The following RBM25 variants were observed in gnomAD, a reference collection of about 807,000 sequenced individuals.
The protein encoded by RBM25 is RNA binding motif protein 25.
A neutral mutation model predicts 120.7 loss-of-function variants in RBM25; 19 were observed. The ratio of observed to expected loss-of-function variants is 0.16; its 90% CI spans 0.11 to 0.23. The LOEUF (loss-of-function observed/expected upper bound fraction) is 0.23, where lower values mean the gene tolerates loss of function less well. Among genes scored for constraint, RBM25 ranks in the 10% least tolerant of loss-of-function variants. RBM25 has a pLI of 1.00. For synonymous variants in RBM25, 390 were observed against 326.7 expected (o/e 1.19, Z -2.09); for missense variants, 605 against 1,041.5 (o/e 0.58, Z 5.77).
intron 6 of RBM25, among the ~76,000 whole-genome samples, chr14:73,089,894 T>C (rs144332996): frequency 0.024 from 3,580 of 152,030 alleles, 139 homozygotes; most frequent in African/African-American, 0.077. Flanking sequence ...AGGTGATCTG[T>C]CTGCCTCAGC....
rs183969749 is a variant in RBM25 at position 73,087,889 on chromosome 14, T to C, written c.383-112T>C. The C allele has an allele frequency of 1.2e-3, 1,206 of 1,011,454 alleles. 7 individuals carry two copies. Among genetic ancestry groups the C allele is most frequent in the Non-Finnish European group, 1.6e-3 (1,117 of 706,116 alleles). 62.7% of individuals were successfully genotyped at this position (1,011,454 alleles called of 1,614,324 possible). On this transcript the variant is annotated intron_variant, in intron 5 of 18. Coordinates refer to ENST00000261973, the MANE Select transcript of RBM25 (RefSeq NM_021239.3). Reference sequence around the variant, plus strand: ...TGGTGGACAGGGGTGGAATTATGAATTGAGTGGTCTTTGTATTAAAACATT... The same window carrying C: ...TGGTGGACAGGGGTGGAATTATGAACTGAGTGGTCTTTGTATTAAAACATT...
intron 9 of RBM25, chr14:73,101,191 G>GT (rs1282904039): frequency 6.6e-6 from 1 of 152,052 alleles, no homozygotes; most frequent in African/African-American, 2.4e-5. Context: ...CAAAACAGTT[G>GT]TTTTTTATTG....
rs1896190725 is a variant in RBM25 at position 73,106,469 on chromosome 14, A to C, written c.1467+184A>C. Among the ~76,000 whole-genome samples, 3 of 152,270 alleles carry C rather than the reference A, an allele frequency of 2.0e-5. No homozygotes were observed. The South Asian group carries it at 6.2e-4, about 32-fold the overall frequency. ...TACACCAAAATCTTTTTTCCTCTTCAAATTTTTGCTGCATCTAAAGTTATC... is the reference window on the plus strand; with the variant it reads ...TACACCAAAATCTTTTTTCCTCTTCCAATTTTTGCTGCATCTAAAGTTATC... On this transcript the variant is annotated intron_variant, in intron 12 of 18. Transcript: ENST00000261973.
At chr14:73,086,183 C>T (rs958390907) in intron 5 of RBM25, among the ~76,000 whole-genome samples, 4 of 151,806 alleles carry the variant, frequency 2.6e-5, no homozygotes, top group Non-Finnish European at 4.4e-5. Context: ...TGTGGTGGCT[C>T]GAGCTTGTAA....
Position 73,097,098 on chromosome 14 carries a change from G to A in RBM25, c.727G>A (p.Asp243Asn). Residue 243 changes from aspartate to asparagine, a missense_variant and splice_region_variant, in exon 7 of 19, where the codon GAC becomes AAC. Coordinates refer to ENST00000261973, the MANE Select transcript of RBM25 (RefSeq NM_021239.3). The part of the protein sequence containing the change: ...PRKKKKEKKE[D>N]IFRRFPVAPL... ...GAAGAAGAAGAAGGAAAAGAAGGAG[G>A]ACGTATGTGTTCTGACAACAACATA... 1 of 1,606,652 alleles carries A rather than the reference G, an allele frequency of 6.2e-7. No individual in the cohort carries two copies. Among genetic ancestry groups the A allele is most frequent in the Non-Finnish European group, 8.5e-7 (1 of 1,176,800 alleles).
intron 10 of RBM25, among the ~76,000 whole-genome samples, chr14:73,104,782 G>A (rs572119894): frequency 1.3e-5 from 2 of 152,274 alleles, no homozygotes; most frequent in Non-Finnish European, 2.9e-5. Flanking sequence ...TTTTTCTTCA[G>A]GCTAGTTTAA....
intron 9 of RBM25, chr14:73,100,678 AT>A (rs1896039218): frequency 5.4e-6 from 1 of 184,704 alleles, no homozygotes. Flanking sequence ...TTTCTCTTTT[AT>A]TCTTACTTTT....
At chr14:73,117,704 A>G (rs1594940047) in intron 18 of RBM25, among the ~76,000 whole-genome samples, 2 of 152,178 alleles carry the variant, frequency 1.3e-5, no homozygotes, top group East Asian at 1.9e-4. Flanking sequence ...CCAACCAAGG[A>G]CCTATCGCTA....
chr14:73,101,571 A>G (rs1178603627), intron 9 of RBM25: 1 of 151,566 alleles, frequency 6.6e-6, no homozygotes, highest in African/African-American at 2.4e-5. Flanking sequence ...AGTATGGACT[A>G]GATTCACTCA....
intron 6 of RBM25, among the ~76,000 whole-genome samples, chr14:73,089,740 C>G (rs1057039784): frequency 6.6e-6 from 1 of 151,900 alleles, no homozygotes; most frequent in Non-Finnish European, 1.5e-5. Context: ...GACCTTAGCT[C>G]ACTGCAACCT....
rs554715896 is a variant in RBM25, at chr14:73,110,680, C to T, written c.1693-151C>T. The T allele has an allele frequency of 3.0e-3, 2,499 of 840,742 alleles. 15 individuals carry two copies. Among genetic ancestry groups the T allele is most frequent in the Middle Eastern group, 5.1e-3 (14 of 2,720 alleles). 52.1% of individuals were successfully genotyped at this position (840,742 alleles called of 1,614,324 possible). A position where few individuals can be genotyped will look rare whatever the true frequency, so the allele number is the denominator to read the frequency against. On this transcript the variant is annotated intron_variant, in intron 14 of 18. Coordinates refer to ENST00000261973, the MANE Select transcript of RBM25 (RefSeq NM_021239.3). The stretch of plus-strand genomic sequence containing the variant: ...CTGACCTCAGATGATCTGCCCACCG[C>T]GGCCTCCCAAAGTGCTGGGATTACA...
chr14:73,062,339 A>G (rs1895023388), intron 1 of RBM25, among the ~76,000 whole-genome samples: 1 of 151,260 alleles, frequency 6.6e-6, no homozygotes. Flanking sequence ...ATTCCTGCAG[A>G]CCTGACACAT....
intron 2 of RBM25, among the ~76,000 whole-genome samples, chr14:73,075,081 A>G (rs946239111): frequency 4.0e-5 from 6 of 151,508 alleles, no homozygotes; most frequent in Non-Finnish European, 7.4e-5. Context: ...ATGCTAGCAC[A>G]CCGCAGCCTT....
intron 1 of RBM25, among the ~76,000 whole-genome samples, chr14:73,065,569 C>T (rs28755810): frequency 0.015 from 2,283 of 152,198 alleles, 58 homozygotes; most frequent in African/African-American, 0.051. Context: ...GGACTACAGG[C>T]GCACACTACC....
intron 5 of RBM25, among the ~76,000 whole-genome samples, chr14:73,084,339 ACT>A (rs1371411202): frequency 2.6e-5 from 4 of 151,660 alleles, no homozygotes; most frequent in African/African-American, 9.7e-5. Context: ...AACTGGCCAG[ACT>A]CTTAATATTT....
intron 10 of RBM25, among the ~76,000 whole-genome samples, chr14:73,103,942 TCTCTCTCACACA>T (rs1352266633): frequency 3.0e-4 from 13 of 43,616 alleles, no homozygotes; most frequent in South Asian, 1.2e-3. Context: ...TCTCTCTCTC[TCTCTCTCACACA>T]CACACACACA....
At chr14:73,087,941 T>C in intron 5 of RBM25, 60 bp from the exon 6 acceptor site, 1 of 1,539,720 alleles carries the variant, frequency 6.5e-7, no homozygotes, top group Non-Finnish European at 8.8e-7. Context: ...TACTTTTCCA[T>C]AATTTTTTTT....
Position 73,103,327 on chromosome 14 carries a change from C to G in RBM25, c.1003C>G (p.Arg335Gly). Residue 335 changes from arginine (R) to glycine (G), a missense_variant, in exon 10 of 19, where the codon CGA (arginine) becomes GGA (glycine). Coordinates refer to ENST00000261973, the MANE Select transcript of RBM25 (RefSeq NM_021239.3). ...REREREREREREKEKERERER... is the reference protein window; with the variant it reads ...REREREREREGEKEKERERER... Reference sequence around the variant, plus strand: ...ACGAGAAAGGGAAAGAGAACGTGAACGAGAAAAGGAGAAAGAACGGGAGCG... The same window carrying G: ...ACGAGAAAGGGAAAGAGAACGTGAAGGAGAAAAGGAGAAAGAACGGGAGCG... The G allele has an allele frequency of 1.3e-6, 2 of 1,587,342 alleles. No individual in the cohort carries two copies. The highest frequency in any genetic ancestry group is 1.7e-6 in the Non-Finnish European group (2 of 1,165,616).
intron 5 of RBM25, among the ~76,000 whole-genome samples, chr14:73,087,010 G>T (rs1393498188): frequency 6.6e-6 from 1 of 151,658 alleles, no homozygotes; most frequent in Admixed American, 6.6e-5. Context: ...CGGCCTAAAG[G>T]TACTTTTTTG....
Sources: gnomAD v4.1 joint callset for allele counts (sites outside exome capture counted in the v4.1 genomes callset) on GRCh38, gnomAD v4.1.1 for gene constraint, MANE v1.5 for transcripts, NCBI Gene and HGNC (gene_info 2026-07-23, HGNC 2026-07-21) for gene names.